Variants in KIF1A observed in about 807,000 individuals in gnomAD.
KIF1A encodes kinesin family member 1A, also known as kinesin-like protein KIF1A.
In KIF1A, 46 loss-of-function variants were observed where a neutral mutation model predicts 227.3. The observed-to-expected ratio is 0.20, with a 90% confidence interval of 0.16 to 0.26. The LOEUF (loss-of-function observed/expected upper bound fraction) is 0.26. KIF1A is among the 10% of genes least tolerant of loss of function. KIF1A has a pLI of 1.00. For missense variants in KIF1A, 1,683 were observed against 2,485.9 expected (o/e 0.68, Z 6.87); for synonymous variants, 1,022 against 1,012.8 (o/e 1.01, Z -0.17).
In KIF1A at chr2:240,775,791, A is replaced by T. The variant is rs2052650000; in HGVS notation, c.958+60T>A. 3.5e-6 allele frequency: 4 copies of T among 1,155,146 alleles called. No individual in the cohort carries two copies. Among genetic ancestry groups the T allele is most frequent in the South Asian group, 2.5e-5 (2 of 81,292 alleles). 71.6% of individuals were successfully genotyped at this position (1,155,146 alleles called of 1,614,324 possible). On this transcript the variant is annotated intron_variant, in intron 11 of 48. Transcript: ENST00000498729. This position sits in a 1 kb window ranked among gnomAD's most constrained non-coding sequence, Gnocchi z 5.5. Reference sequence around the variant, plus strand: ...ACTGGGCACCCCCTCAGTGGGGAAGAAGGGCACAGCCCAGGGTGGGATCAG... The same window carrying T: ...ACTGGGCACCCCCTCAGTGGGGAAGTAGGGCACAGCCCAGGGTGGGATCAG...
At chr2:240,785,902 C>A (rs2054679944) in intron 6 of KIF1A, among the ~76,000 whole-genome samples, 1 of 152,114 alleles carries the variant, frequency 6.6e-6, no homozygotes, top group African/African-American at 2.4e-5. Flanking sequence ...AGGCAGGAGG[C>A]CCAGGGCAGC....
chr2:240,773,404 G>C, intron 12 of KIF1A, 148 bp from the exon 13 acceptor site: 1 of 969,354 alleles, frequency 1.0e-6, no homozygotes, highest in Non-Finnish European at 1.5e-6. Flanking sequence ...GCCTGGCACA[G>C]AGTGAGAAAT....
intron 47 of KIF1A, 68 bp from the exon 48 acceptor site, chr2:240,718,236 C>T: frequency 9.1e-7 from 1 of 1,101,442 alleles, no homozygotes. Flanking sequence ...TCCTGCTCCC[C>T]AGGGCCCAGG....
intron 16 of KIF1A, 44 bp from the exon 17 acceptor site, chr2:240,769,252 C>T (rs755285332): frequency 1.3e-6 from 2 of 1,547,120 alleles, no homozygotes; most frequent in Non-Finnish European, 1.8e-6. Flanking sequence ...CACAAGGCTT[C>T]CAGCACTGGC....
At chr2:240,765,958 G>A (rs1423734020) in intron 19 of KIF1A, among the ~76,000 whole-genome samples, 165 bp from the exon 20 acceptor site, 1 of 152,230 alleles carries the variant, frequency 6.6e-6, no homozygotes, top group Non-Finnish European at 1.5e-5. Flanking sequence ...GGCCTCAGAG[G>A]AGCTTAGGGG....
chr2:240,721,182 G>T, intron 44 of KIF1A, 144 bp from the exon 45 acceptor site: 1 of 1,133,916 alleles, frequency 8.8e-7, no homozygotes, highest in Non-Finnish European at 1.3e-6. Flanking sequence ...GCTCAAAGTT[G>T]GCCAGCTCAA....
At chr2:240,760,021 GAAA>G (rs397967291) in intron 25 of KIF1A, among the ~76,000 whole-genome samples, 1 of 135,516 alleles carries the variant, frequency 7.4e-6, no homozygotes, top group Non-Finnish European at 1.6e-5. Context: ...GTCTCTTAAA[GAAA>G]AAAAAAAAAA....
intron 16 of KIF1A, among the ~76,000 whole-genome samples, 155 bp from the exon 17 acceptor site, chr2:240,769,363 T>C (rs1403372091): frequency 1.3e-5 from 2 of 152,226 alleles, no homozygotes; most frequent in African/African-American, 4.8e-5. Flanking sequence ...GGGCATCTGC[T>C]GATGGGACTG....
chr2:240,734,181 T>G (rs1249647281), intron 38 of KIF1A, among the ~76,000 whole-genome samples: 1 of 152,196 alleles, frequency 6.6e-6, no homozygotes, highest in Non-Finnish European at 1.5e-5. Flanking sequence ...CACGAGAGGC[T>G]GTGGAATGTG....
At chr2:240,803,415 C>T (rs1224289336) in intron 1 of KIF1A, among the ~76,000 whole-genome samples, 1 of 152,200 alleles carries the variant, frequency 6.6e-6, no homozygotes, top group Non-Finnish European at 1.5e-5. Context: ...TGGGAGGGAC[C>T]CAGGCTTCCA....
chr2:240,770,351 T>C (rs2051782125), intron 15 of KIF1A, among the ~76,000 whole-genome samples: 1 of 151,990 alleles, frequency 6.6e-6, no homozygotes, highest in Non-Finnish European at 1.5e-5. Context: ...GTGGTGACTA[T>C]TCCCAGGCAG....
chr2:240,745,665 AG>A, intron 31 of KIF1A, 72 bp downstream of exon 31: 1 of 1,552,604 alleles, frequency 6.4e-7, no homozygotes, highest in Non-Finnish European at 8.8e-7. Flanking sequence ...CTCCCTGCCC[AG>A]CACCCAGGCA....
In KIF1A at chr2:240,719,195, C is replaced by A; in HGVS notation, c.5025G>T (p.Pro1675=). The change falls in exon 47 of 49, where the codon CCG becomes CCT. Residue 1675 remains proline, a synonymous_variant. Transcript: ENST00000498729. ...GCAGGTACCCCTTCTTGGAAACGATCGGGCTGAAGGCAGAGAGAGCTGCTC... is the reference window on the plus strand; with the variant it reads ...GCAGGTACCCCTTCTTGGAAACGATAGGGCTGAAGGCAGAGAGAGCTGCTC... ...VPDIQEIRVS[P]IVSKKGYLHF... The A allele has an allele frequency of 6.2e-7, 1 of 1,603,486 alleles. No homozygotes were observed. Among genetic ancestry groups the A allele is most frequent in the South Asian group, 1.1e-5 (1 of 90,048 alleles).
chr2:240,776,028 G>A (rs1286654800), intron 10 of KIF1A, 102 bp from the exon 11 acceptor site: 2 of 807,122 alleles, frequency 2.5e-6, no homozygotes. Context: ...CAAAGCTGGA[G>A]GCTGGGCAAG....
rs2054074409 is a variant in KIF1A at position 240,781,887 on chromosome 2, C to T, written c.882+703G>A. 4.1e-6 allele frequency: 4 copies of T among 985,296 alleles called. No homozygotes were observed. The South Asian group carries it at 1.9e-4, about 46-fold the overall frequency. 61.0% of individuals were successfully genotyped at this position (985,296 alleles called of 1,614,324 possible). Reference sequence around the variant, plus strand: ...CTGCAGCCCCACGTGTTCTTAGTCTCTTGGAACTCCTCACACGGGCCGCAC... The same window carrying T: ...CTGCAGCCCCACGTGTTCTTAGTCTTTTGGAACTCCTCACACGGGCCGCAC... On this transcript the variant is annotated intron_variant, in intron 10 of 48. Coordinates refer to ENST00000498729, the MANE Select transcript of KIF1A (RefSeq NM_001244008.2).
intron 27 of KIF1A, among the ~76,000 whole-genome samples, chr2:240,753,509 G>A (rs2049462892): frequency 6.6e-6 from 1 of 152,216 alleles, no homozygotes; most frequent in African/African-American, 2.4e-5. Flanking sequence ...TGGGCTCGAG[G>A]AGGAGGCCCA....
chr2:240,747,446 C>G (rs2048738789), intron 28 of KIF1A, 125 bp from the exon 29 acceptor site: 1 of 669,510 alleles, frequency 1.5e-6, no homozygotes, highest in East Asian at 2.8e-5. Flanking sequence ...GCAGCAGACC[C>G]CTGACCGAAT....
intron 46 of KIF1A, 68 bp from the exon 47 acceptor site, chr2:240,719,266 T>A: frequency 6.6e-7 from 1 of 1,518,318 alleles, no homozygotes; most frequent in South Asian, 1.2e-5. Context: ...GCACTCACCA[T>A]CTACCACCCA....
Position 240,725,134 on chromosome 2 carries a change from G to T in KIF1A, c.4256+137C>A, listed in dbSNP as rs954656555. ...AGCAGGAGGGGACTGAGCGCAGGGA[G>T]CCAGCCAGGAGTGTGGCTGGGCCTC... On this transcript the variant is annotated intron_variant, in intron 40 of 48. Transcript: ENST00000498729. The surrounding 1 kb of genome is among the most constrained non-coding windows in gnomAD (Gnocchi z 5.8). 3.5e-6 allele frequency: 3 copies of T among 869,418 alleles called. No homozygotes were observed. The highest frequency in any genetic ancestry group is 5.3e-6 in the Non-Finnish European group (3 of 564,252). 53.9% of individuals were successfully genotyped at this position (869,418 alleles called of 1,614,324 possible).
Sources: allele counts gnomAD v4.1 joint callset (sites outside exome capture counted in the v4.1 genomes callset), GRCh38; gene constraint gnomAD v4.1.1; non-coding constraint Gnocchi (gnomAD v3.1); transcripts MANE v1.5; gene names NCBI Gene and HGNC (gene_info 2026-07-23, HGNC 2026-07-21).